Variants in QSOX2 observed in about 807,000 individuals in gnomAD.
The protein encoded by QSOX2 is sulfhydryl oxidase 2.
Under a neutral mutation model 61.7 loss-of-function variants are expected in QSOX2, and 46 were observed. The observed-to-expected ratio is 0.75, with a 90% CI of 0.59 to 0.95. The LOEUF (loss-of-function observed/expected upper bound fraction) is 0.95. QSOX2 is among the 40% of genes least tolerant of loss of function. The pLI is 0.00. For missense variants in QSOX2, 879 were observed against 918.9 expected, an observed-to-expected ratio of 0.96 and a Z score of 0.56; for synonymous variants, 383 against 388.4, an observed-to-expected ratio of 0.99 and a Z score of 0.16.
At chr9:136,214,105 A>G (rs2131050849) in intron 10 of QSOX2, among the ~76,000 whole-genome samples, 1 of 152,360 alleles carries the variant, frequency 6.6e-6, no homozygotes, top group African/African-American at 2.4e-5. Context: ...GCTTTGAAGT[A>G]AACATTAATG....
intron 1 of QSOX2, among the ~76,000 whole-genome samples, chr9:136,229,729 A>G (rs1424207750): frequency 6.6e-6 from 1 of 152,222 alleles, no homozygotes; most frequent in Non-Finnish European, 1.5e-5. Context: ...GTGGTTTCTC[A>G]GATTTGTCTT....
chr9:136,231,142 C>A (rs1005492103), intron 1 of QSOX2, among the ~76,000 whole-genome samples: 1 of 152,188 alleles, frequency 6.6e-6, no homozygotes, highest in African/African-American at 2.4e-5. Context: ...AACGCAGGAT[C>A]CTACAGACGG....
At chr9:136,236,339 A>T (rs1003411284) in intron 1 of QSOX2, among the ~76,000 whole-genome samples, 2 of 148,206 alleles carry the variant, frequency 1.3e-5, no homozygotes, top group African/African-American at 5.3e-5. Context: ...CTAGGTGGCA[A>T]TGGTGATTCT....
At chr9:136,238,517 C>T (rs537423449) in intron 1 of QSOX2, among the ~76,000 whole-genome samples, 10 of 152,330 alleles carry the variant, frequency 6.6e-5, no homozygotes, top group African/African-American at 1.9e-4. Flanking sequence ...CAACGCTCCC[C>T]GGGCCTCATT....
Position 136,208,847 on chromosome 9 carries a change from C to T in QSOX2, c.1978G>A (p.Asp660Asn), listed in dbSNP as rs1342621425. ...TACAGCACGACACAGAGACTCATGT[C>T]CAGGCTGGAGAAGTCAACCCCGAGG... The part of the protein sequence containing the change: ...PFLGVDFSSL[D>N]MSLCVVLYVA... The change falls in exon 12 of 12, where the codon GAC becomes AAC. Residue 660 changes from aspartate to asparagine, a missense_variant. By Grantham distance (23) the Asp-to-Asn change is conservative. Transcript: ENST00000358701. 4 of 1,614,060 alleles carry T rather than the reference C, an allele frequency of 2.5e-6. No individual in the cohort carries two copies. The highest frequency in any genetic ancestry group is 3.4e-6 in the Non-Finnish European group (4 of 1,180,026).
At chr9:136,237,102 GTCTTGTGCCACACCTGGAGCCCA>G in intron 1 of QSOX2, among the ~76,000 whole-genome samples, 1 of 135,966 alleles carries the variant, frequency 7.4e-6, no homozygotes, top group South Asian at 2.5e-4. Flanking sequence ...CCTGGAGCCT[GTCTTGTGCCACACCTGGAGCCCA>G]TCCTGGGCCG....
In QSOX2 at chr9:136,245,534, C is replaced by A. The variant is rs1419957062; in HGVS notation, c.270G>T (p.Trp90Cys). 6.3e-6 allele frequency: 10 copies of A among 1,593,786 alleles called. No homozygotes were observed. The highest frequency in any genetic ancestry group is 1.4e-5 in the African/African-American group (1 of 73,940). ...AAWLVQFYSSWCGHCIGYAPT... is the reference protein window; with the variant it reads ...AAWLVQFYSSCCGHCIGYAPT... ...GCGCGTAGCCGATGCAGTGGCCACA[C>A]CACGACGAGTAGAACTGCACGAGCC... Residue 90 changes from tryptophan to cysteine, a missense_variant, in exon 1 of 12, where the codon TGG becomes TGT. Trp to Cys is a radical substitution (Grantham distance 215). Transcript: ENST00000358701.
chr9:136,218,437 G>C lies in QSOX2; in HGVS notation c.1086+242C>G, dbSNP rs557678375. Among the ~76,000 whole-genome samples the C allele has an allele frequency of 1.2e-4, 18 of 152,252 alleles. No individual in the cohort carries two copies. The East Asian group carries it at 3.3e-3, about 28-fold the overall frequency. ...AGCTGGGCTTTTCCAGCAGGTGCTC[G>C]GCTCACACCCCCGCCCCTCTCTACA... On this transcript the variant is annotated intron_variant, in intron 8 of 11. Transcript: ENST00000358701.
chr9:136,216,953 C>G (rs971044206), intron 8 of QSOX2, among the ~76,000 whole-genome samples: 1 of 152,244 alleles, frequency 6.6e-6, no homozygotes, highest in East Asian at 1.9e-4. Flanking sequence ...CACGGCCATG[C>G]CTTTCTCCAG....
intron 9 of QSOX2, 86 bp from the exon 10 acceptor site, chr9:136,215,390 G>A: frequency 1.8e-6 from 2 of 1,111,048 alleles, no homozygotes; most frequent in Admixed American, 2.6e-5. Flanking sequence ...TTCTTGACTG[G>A]GGGGGGTGGA....
chr9:136,210,489 C>T, intron 11 of QSOX2: 1 of 985,460 alleles, frequency 1.0e-6, no homozygotes, highest in Non-Finnish European at 1.2e-6. Flanking sequence ...GCACAGGGAG[C>T]TCTGTGGGCG....
chr9:136,240,738 G>A (rs1234144005), intron 1 of QSOX2, among the ~76,000 whole-genome samples: 1 of 152,184 alleles, frequency 6.6e-6, no homozygotes, highest in African/African-American at 2.4e-5. Flanking sequence ...CGCTACGGTC[G>A]CCTCATCTGG....
intron 10 of QSOX2, among the ~76,000 whole-genome samples, 183 bp downstream of exon 10, chr9:136,214,971 C>A (rs1389570747): frequency 6.6e-6 from 1 of 152,228 alleles, no homozygotes; most frequent in African/African-American, 2.4e-5. Context: ...GGAACTCGTG[C>A]CCCCGCAGCC....
chr9:136,213,646 G>A (rs1156739820), intron 10 of QSOX2, among the ~76,000 whole-genome samples: 2 of 149,734 alleles, frequency 1.3e-5, no homozygotes, highest in Non-Finnish European at 3.0e-5. Flanking sequence ...GGCCACTATA[G>A]TGCCCCCATC....
At chr9:136,231,791 C>T (rs981589479) in intron 1 of QSOX2, among the ~76,000 whole-genome samples, 5 of 152,222 alleles carry the variant, frequency 3.3e-5, no homozygotes, top group Admixed American at 6.5e-5. Context: ...TGAATGTCAC[C>T]GCCCCTACTT....
Position 136,223,787 on chromosome 9 carries a change from G to C in QSOX2, c.651C>G (p.Ser217Arg). Residue 217 changes from serine to arginine, a missense_variant, in exon 5 of 12, where the codon AGC becomes AGG. Ser to Arg is a moderately radical substitution (Grantham distance 110, BLOSUM62 -1). Transcript: ENST00000358701. The surrounding 1 kb of genome is among the most constrained non-coding windows in gnomAD (Gnocchi z 4.4). Reference sequence around the variant, plus strand: ...CCTCCCGTCCAAGGTAGGAGCTGTTGCTTTCAAAGACAATAGCCACGTAAT... The same window carrying C: ...CCTCCCGTCCAAGGTAGGAGCTGTTCCTTTCAAAGACAATAGCCACGTAAT... ...GSHYVAIVFE[S>R]NSSYLGREVI... The C allele has an allele frequency of 6.2e-7, 1 of 1,614,072 alleles. No individual in the cohort carries two copies. The highest frequency in any genetic ancestry group is 8.5e-7 in the Non-Finnish European group (1 of 1,180,018).
chr9:136,226,554 C>A (rs1384472866), intron 2 of QSOX2, among the ~76,000 whole-genome samples: 1 of 148,356 alleles, frequency 6.7e-6, no homozygotes, highest in African/African-American at 2.5e-5. Context: ...GTGGACAGTC[C>A]CACAGACACT....
intron 11 of QSOX2, chr9:136,210,108 C>T (rs145897798): frequency 7.4e-4 from 731 of 985,468 alleles, no homozygotes; most frequent in Non-Finnish European, 8.1e-4. Context: ...TCCGGCCAAC[C>T]GGCAGCAGGT....
chr9:136,210,072 C>T (rs1403318339), intron 11 of QSOX2: 15 of 985,338 alleles, frequency 1.5e-5, no homozygotes, highest in Admixed American at 1.2e-4. Flanking sequence ...ATGCCCTACT[C>T]GGGCCAGTCA....
Sources: allele counts gnomAD v4.1 joint callset (sites outside exome capture counted in the v4.1 genomes callset), GRCh38; gene constraint gnomAD v4.1.1; non-coding constraint Gnocchi (gnomAD v3.1); transcripts MANE v1.5; gene names NCBI Gene and HGNC (gene_info 2026-07-23, HGNC 2026-07-21).